The following CKAP2 variants were observed in gnomAD, a reference collection of about 807,000 sequenced individuals.
CKAP2 encodes cytoskeleton associated protein 2, also known as cytoskeleton-associated protein 2.
CKAP2 carries 46 observed loss-of-function variants against 58.4 expected under a neutral mutation model. That is an observed-to-expected ratio of 0.79 (90% CI 0.62 to 1.01). The LOEUF (loss-of-function observed/expected upper bound fraction) is 1.01. Among genes scored for constraint, CKAP2 ranks in the 50% least tolerant of loss-of-function variants. The pLI, the probability that CKAP2 is intolerant of heterozygous loss-of-function variation, is 0.00. For missense variants in CKAP2, 809 were observed against 796.4 expected, an observed-to-expected ratio of 1.02 and a Z score of -0.19; for synonymous variants, 293 against 280.9, an observed-to-expected ratio of 1.04 and a Z score of -0.43.
chr13:52,457,208 T>C (rs1958501416), intron 2 of CKAP2, among the ~76,000 whole-genome samples: 1 of 152,184 alleles, frequency 6.6e-6, no homozygotes. Flanking sequence ...ATTATCGTTT[T>C]CTACGTAAAT....
At chr13:52,473,806 A>G (rs1958790469) in intron 7 of CKAP2, 23 bp from the exon 8 acceptor site, 11 of 1,565,116 alleles carry the variant, frequency 7.0e-6, no homozygotes, top group Non-Finnish European at 9.5e-6. Flanking sequence ...CAAAAGCTTA[A>G]TCTATAAATG....
At chr13:52,464,351 G>C (rs1958630113) in intron 5 of CKAP2, among the ~76,000 whole-genome samples, 1 of 152,094 alleles carries the variant, frequency 6.6e-6, no homozygotes, top group African/African-American at 2.4e-5. Context: ...TCAGGAGTTT[G>C]AGACCAGCCT....
At chr13:52,472,742 C>T (rs1366447580) in intron 7 of CKAP2, among the ~76,000 whole-genome samples, 1 of 152,200 alleles carries the variant, frequency 6.6e-6, no homozygotes, top group Non-Finnish European at 1.5e-5. Flanking sequence ...GTCATGTATT[C>T]ATTTGTTAAT....
chr13:52,472,288 A>G (rs1035069450), intron 7 of CKAP2, among the ~76,000 whole-genome samples: 1 of 152,186 alleles, frequency 6.6e-6, no homozygotes, highest in African/African-American at 2.4e-5. Flanking sequence ...AACTCAGTAG[A>G]TAAGGACAGT....
In CKAP2 at chr13:52,461,297, A is replaced by G. The variant is rs757837450; in HGVS notation, c.471A>G (p.Gln157=). The G allele has an allele frequency of 1.9e-6, 3 of 1,614,028 alleles. No individual in the cohort carries two copies. Among genetic ancestry groups the G allele is most frequent in the African/African-American group, 1.3e-5 (1 of 75,024 alleles). Residue 157 remains glutamine (Q), a synonymous_variant, in exon 4 of 9, where the codon CAA becomes CAG. Coordinates refer to ENST00000258607, the MANE Select transcript of CKAP2 (RefSeq NM_018204.5). ...FHLKNNSKKK[Q]MTTEKQKQDA... The stretch of plus-strand genomic sequence containing the variant: ...TTAAAAACAATAGTAAAAAGAAACA[A>G]ATGACTACAGAAAAACAAAAGCAAG...
In CKAP2 at chr13:52,466,016, CAT is replaced by C. The variant is rs545355079; in HGVS notation, c.1476+557_1476+558del. Among the ~76,000 whole-genome samples, 450 of 151,374 alleles carry C rather than the reference CAT, an allele frequency of 3.0e-3. 2 individuals carry two copies. Among genetic ancestry groups the C allele is most frequent in the Middle Eastern group, 0.01 (3 of 290 alleles). ...GCACACATATATATACACACATACA[CAT>C]ATATACACATATACACATATATACA... On this transcript the variant is annotated intron_variant, in intron 6 of 8. Coordinates refer to ENST00000258607, the MANE Select transcript of CKAP2 (RefSeq NM_018204.5).
Position 52,473,887 on chromosome 13 carries a change from A to G in CKAP2, c.1605A>G (p.Glu535=). The stretch of plus-strand genomic sequence containing the variant: ...AAGAAGTCAAAGAAGTCAGTATTGA[A>G]GATACAGGTGTTGATGTAGATCCAG... ...SKEEVKEVSI[E]DTGVDVDPEK... Residue 535 remains glutamate, a synonymous_variant, in exon 8 of 9, where the codon GAA becomes GAG. Transcript: ENST00000258607. The G allele has an allele frequency of 3.1e-6, 5 of 1,613,814 alleles. No individual in the cohort carries two copies. The highest frequency in any genetic ancestry group is 4.2e-6 in the Non-Finnish European group (5 of 1,179,728).
intron 7 of CKAP2, among the ~76,000 whole-genome samples, chr13:52,473,156 G>A (rs1958782736): frequency 6.6e-6 from 1 of 151,712 alleles, no homozygotes; most frequent in Admixed American, 6.6e-5. Context: ...TTGTCTTCTT[G>A]CCATCACAGA....
chr13:52,459,432 C>T (rs1958536657), intron 2 of CKAP2, among the ~76,000 whole-genome samples: 1 of 152,092 alleles, frequency 6.6e-6, no homozygotes, highest in East Asian at 1.9e-4. Context: ...AAGCGATTCT[C>T]CTGCCTCAGC....
intron 5 of CKAP2, among the ~76,000 whole-genome samples, chr13:52,464,730 C>T (rs1958639365): frequency 6.6e-6 from 1 of 151,956 alleles, no homozygotes; most frequent in Admixed American, 6.6e-5. Flanking sequence ...GCTCTTTAAT[C>T]TTGTTTTGGT....
At chr13:52,463,344 A>C (rs886534899) in intron 5 of CKAP2, among the ~76,000 whole-genome samples, 1 of 152,196 alleles carries the variant, frequency 6.6e-6, no homozygotes, top group East Asian at 1.9e-4. Context: ...TTAGAAAGCA[A>C]AGGTGTCACT....
At chr13:52,456,139 G>C in intron 1 of CKAP2, 8 of 1,026,750 alleles carry the variant, frequency 7.8e-6, no homozygotes, top group Non-Finnish European at 9.3e-6. Context: ...TTCTACACAC[G>C]GGAAAGCAGA....
intron 4 of CKAP2, 145 bp downstream of exon 4, chr13:52,462,071 A>G: frequency 1.2e-6 from 1 of 826,222 alleles, no homozygotes; most frequent in Non-Finnish European, 1.8e-6. Flanking sequence ...TTGTGGAACA[A>G]TATGACCTAA....
intron 6 of CKAP2, among the ~76,000 whole-genome samples, chr13:52,466,117 C>T (rs530960783): frequency 9.9e-5 from 15 of 151,892 alleles, no homozygotes; most frequent in African/African-American, 1.4e-4. Flanking sequence ...GGCAATAAAC[C>T]GGTTTCTCTA....
chr13:52,470,662 C>A (rs1045116640), intron 7 of CKAP2, among the ~76,000 whole-genome samples: 4 of 151,900 alleles, frequency 2.6e-5, no homozygotes, highest in African/African-American at 9.7e-5. Flanking sequence ...GGAGGTCATG[C>A]TTCTAATGGC....
intron 2 of CKAP2, among the ~76,000 whole-genome samples, chr13:52,460,022 C>G (rs941597539): frequency 6.6e-6 from 1 of 152,018 alleles, no homozygotes; most frequent in Non-Finnish European, 1.5e-5. Flanking sequence ...CCACACCCAA[C>G]TAATTTTTTA....
chr13:52,467,855 G>A (rs61959706), intron 6 of CKAP2, among the ~76,000 whole-genome samples: 5,967 of 151,102 alleles, frequency 0.039, 135 homozygotes, highest in South Asian at 0.069. Flanking sequence ...TCTCGCCCAG[G>A]CTAGAGTGCA....
At chr13:52,464,552 T>TAAAAA (rs1483020597) in intron 5 of CKAP2, among the ~76,000 whole-genome samples, 1 of 44,024 alleles carries the variant, frequency 2.3e-5, no homozygotes, top group Non-Finnish European at 4.6e-5. Context: ...AAACTCCGTC[T>TAAAAA]CAAAAAAAAA....
At position 52,460,645 on chromosome 13, in the gene CKAP2, G is replaced by T. The variant is rs1452249657; in HGVS notation, c.156-254G>T. Among the ~76,000 whole-genome samples, 4 of 147,468 alleles carry T rather than the reference G, an allele frequency of 2.7e-5. No individual in the cohort carries two copies. The Admixed American group carries it at 2.7e-4, about 10-fold the overall frequency. ...TTTTTTGTATTTTTAGTAGAGACGG[G>T]GTTTCACTGTGTTAGTCAGGATGGT... On this transcript the variant is annotated intron_variant, in intron 2 of 8. Coordinates refer to ENST00000258607, the MANE Select transcript of CKAP2 (RefSeq NM_018204.5).
Sources: allele counts gnomAD v4.1 joint callset (sites outside exome capture counted in the v4.1 genomes callset), GRCh38; gene constraint gnomAD v4.1.1; transcripts MANE v1.5; gene names NCBI Gene and HGNC (gene_info 2026-07-23, HGNC 2026-07-21).